The following ADCK1 variants were observed in gnomAD, a reference collection of about 807,000 sequenced individuals.
ADCK1 encodes aarF domain-containing protein kinase 1.
In ADCK1, 41 loss-of-function variants were observed where a neutral mutation model predicts 52.3. The ratio of observed to expected loss-of-function variants is 0.78; its 90% CI spans 0.61 to 1.02. ADCK1 has a LOEUF of 1.02. Among genes scored for constraint, ADCK1 ranks in the 50% least tolerant of loss-of-function variants. ADCK1 has a pLI of 0.00. For synonymous variants in ADCK1, 250 were observed against 274.6 expected (o/e 0.91, Z 0.89); for missense variants, 658 against 679.5 (o/e 0.97, Z 0.35).
rs777184096 is a variant in ADCK1, at chr14:77,805,252, C to CTTT, written c.-12+5107_-12+5109dup. On this transcript the variant is annotated intron_variant, in intron 1 of 10. Coordinates refer to ENST00000238561, the MANE Select transcript of ADCK1 (RefSeq NM_020421.4). ...AAAGAGTCATTTTTGGCTTTGCATT[C>CTTT]TTTTTTTTTTTTTTTTTTTTTTTTT... Among the ~76,000 whole-genome samples the CTTT allele has an allele frequency of 8.5e-4, 53 of 62,312 alleles. 4 individuals carry two copies. The highest frequency in any genetic ancestry group is 2.1e-3 in the South Asian group (3 of 1,442). 40.9% of individuals were successfully genotyped at this position (62,312 alleles called of 152,430 possible). A position where few individuals can be genotyped will look rare whatever the true frequency, so the allele number is the denominator to read the frequency against.
intron 3 of ADCK1, among the ~76,000 whole-genome samples, chr14:77,839,056 C>G (rs1425367849): frequency 6.6e-6 from 1 of 152,182 alleles, no homozygotes; most frequent in Non-Finnish European, 1.5e-5. Flanking sequence ...GTACACTTTT[C>G]AGGAAATCAC....
intron 1 of ADCK1, among the ~76,000 whole-genome samples, chr14:77,815,930 C>G (rs1168770082): frequency 1.3e-5 from 2 of 149,766 alleles, no homozygotes; most frequent in Non-Finnish European, 3.0e-5. Context: ...ATTCTCATGT[C>G]TTAGCCTCCC....
At chr14:77,857,538 A>G (rs557331800) in intron 3 of ADCK1, among the ~76,000 whole-genome samples, 36 of 152,310 alleles carry the variant, frequency 2.4e-4, no homozygotes, top group Middle Eastern at 6.8e-3. Context: ...CCCAACACCC[A>G]TACTGGCTGG....
intron 4 of ADCK1, among the ~76,000 whole-genome samples, chr14:77,863,293 A>T (rs4903657): frequency 0.38 from 57,617 of 151,918 alleles, 11,718 homozygotes; most frequent in Admixed American, 0.51. Flanking sequence ...TAGGCTGAAT[A>T]TTTAGTAATG....
intron 4 of ADCK1, among the ~76,000 whole-genome samples, chr14:77,868,915 A>G (rs1371877399): frequency 6.6e-6 from 1 of 152,212 alleles, no homozygotes; most frequent in Non-Finnish European, 1.5e-5. Context: ...GGGAGTAATT[A>G]GAGAACAATT....
At chr14:77,882,195 C>G (rs866175668) in intron 4 of ADCK1, among the ~76,000 whole-genome samples, 4 of 152,206 alleles carry the variant, frequency 2.6e-5, no homozygotes, top group African/African-American at 9.7e-5. Flanking sequence ...TTAGTGTGGA[C>G]AGATACTTGT....
intron 1 of ADCK1, among the ~76,000 whole-genome samples, chr14:77,808,335 G>C (rs1361864182): frequency 1.3e-5 from 2 of 152,152 alleles, no homozygotes; most frequent in Admixed American, 6.5e-5. Context: ...ACAGTCCATG[G>C]TGGGTGTGCA....
intron 4 of ADCK1, among the ~76,000 whole-genome samples, chr14:77,862,159 T>G (rs2082563654): frequency 6.6e-6 from 1 of 152,208 alleles, no homozygotes; most frequent in Admixed American, 6.5e-5. Context: ...TCAGCTAGTA[T>G]TACCAGAAAG....
At chr14:77,812,613 A>C (rs953390853) in intron 1 of ADCK1, among the ~76,000 whole-genome samples, 30 of 151,994 alleles carry the variant, frequency 2.0e-4, no homozygotes, top group African/African-American at 7.0e-4. Flanking sequence ...TTTTTGAGAC[A>C]GAGTTTCATT....
At chr14:77,876,456 T>C (rs975700664) in intron 4 of ADCK1, among the ~76,000 whole-genome samples, 4 of 152,236 alleles carry the variant, frequency 2.6e-5, no homozygotes, top group Admixed American at 6.5e-5. Flanking sequence ...TCAAAAGCCT[T>C]GCCTTTGGGG....
At chr14:77,912,812 G>T (rs750980436) in intron 7 of ADCK1, among the ~76,000 whole-genome samples, 1 of 152,096 alleles carries the variant, frequency 6.6e-6, no homozygotes, top group Non-Finnish European at 1.5e-5. Context: ...GCCTCACTCC[G>T]CTTTGAAGAG....
rs751408118 is a variant in ADCK1, at chr14:77,931,617, G to T, written c.1306G>T (p.Asp436Tyr). The T allele has an allele frequency of 5.6e-6, 9 of 1,613,276 alleles. No individual in the cohort carries two copies. In the East Asian group the frequency reaches 8.9e-5, roughly 16 times the overall value. The change falls in exon 10 of 11, where the codon GAC becomes TAC. Residue 436 changes from aspartate (D) to tyrosine (Y), a missense_variant. By Grantham distance (160) the Asp-to-Tyr change is radical. Transcript: ENST00000238561. ...GATGCTGCTCATCTTGAAGACCAAC[G>T]ACCTGCTGCGTGGCATTGAGGCCGC... The part of the protein sequence containing the change: ...RQMLLILKTN[D>Y]LLRGIEAALG...
intron 7 of ADCK1, chr14:77,914,533 G>C: frequency 1.0e-6 from 1 of 985,450 alleles, no homozygotes; most frequent in Non-Finnish European, 1.2e-6. Context: ...ATAGAGGTGT[G>C]AGCAGAGTGT....
chr14:77,887,618 G>A (rs1032405459), intron 5 of ADCK1, among the ~76,000 whole-genome samples: 8 of 152,150 alleles, frequency 5.3e-5, no homozygotes, highest in Non-Finnish European at 1.0e-4. Flanking sequence ...ATCTTAATTT[G>A]TTAAATTGTA....
chr14:77,882,569 C>G (rs2083051321), intron 4 of ADCK1, among the ~76,000 whole-genome samples: 1 of 152,246 alleles, frequency 6.6e-6, no homozygotes, highest in South Asian at 2.1e-4. Flanking sequence ...CAGCCGTCCC[C>G]CATCCTGTGA....
At chr14:77,866,142 C>T (rs2082655692) in intron 4 of ADCK1, among the ~76,000 whole-genome samples, 1 of 152,126 alleles carries the variant, frequency 6.6e-6, no homozygotes, top group African/African-American at 2.4e-5. Flanking sequence ...CTACAATATA[C>T]TTTGGGTATA....
At chr14:77,818,308 GT>G (rs1238588181) in intron 1 of ADCK1, among the ~76,000 whole-genome samples, 1 of 151,756 alleles carries the variant, frequency 6.6e-6, no homozygotes, top group Non-Finnish European at 1.5e-5. Context: ...TTGAGACAGG[GT>G]CTGGCTCTGT....
intron 6 of ADCK1, among the ~76,000 whole-genome samples, chr14:77,905,060 A>G (rs56240334): frequency 0.12 from 17,566 of 152,080 alleles, 1,198 homozygotes; most frequent in African/African-American, 0.18. Flanking sequence ...ATGTCTGTCC[A>G]GGGGCACCTG....
chr14:77,907,703 G>A lies in ADCK1; in HGVS notation c.742-100G>A, dbSNP rs901151004. The A allele has an allele frequency of 3.6e-6, 3 of 843,936 alleles. No homozygotes were observed. In the African/African-American group the frequency reaches 5.1e-5, roughly 14 times the overall value. 52.3% of individuals were successfully genotyped at this position (843,936 alleles called of 1,614,324 possible). ...CCTGGGCCTCTTCTCCCTTGCTCTG[G>A]GAGGAGCCTCTGTTGCTGTCTGGCT... On this transcript the variant is annotated intron_variant, in intron 6 of 10. Coordinates refer to ENST00000238561, the MANE Select transcript of ADCK1 (RefSeq NM_020421.4).
Sources: gnomAD v4.1 joint callset for allele counts (sites outside exome capture counted in the v4.1 genomes callset) on GRCh38, gnomAD v4.1.1 for gene constraint, MANE v1.5 for transcripts, NCBI Gene and HGNC (gene_info 2026-07-23, HGNC 2026-07-21) for gene names.